Variants in GLG1 observed in about 807,000 individuals in gnomAD.
The protein encoded by GLG1 is golgi glycoprotein 1, also known as Golgi apparatus protein 1.
Under a neutral mutation model 160.5 loss-of-function variants are expected in GLG1, and 38 were observed. The ratio of observed to expected loss-of-function variants is 0.24; its 90% confidence interval spans 0.18 to 0.31. The LOEUF is 0.31. Ranked by LOEUF, GLG1 falls within the 10% of genes least tolerant of loss-of-function variation. The pLI is 1.00. For synonymous variants in GLG1, 644 were observed against 543.4 expected (o/e 1.19, Z -2.57); for missense variants, 1,373 against 1,505.2 (o/e 0.91, Z 1.45).
chr16:74,602,673 C>G (rs926727072), intron 1 of GLG1, among the ~76,000 whole-genome samples: 3 of 152,002 alleles, frequency 2.0e-5, no homozygotes, highest in Non-Finnish European at 2.9e-5. Context: ...GTCCCAGCTA[C>G]TTGGGAGGCT....
chr16:74,582,649 T>C (rs570970614), intron 1 of GLG1, among the ~76,000 whole-genome samples: 23 of 151,460 alleles, frequency 1.5e-4, no homozygotes, highest in African/African-American at 5.3e-4. Context: ...TGAAACCCTG[T>C]CTCTACTAAA....
At chr16:74,515,967 C>T (rs940532113) in intron 2 of GLG1, among the ~76,000 whole-genome samples, 1 of 151,226 alleles carries the variant, frequency 6.6e-6, no homozygotes, top group African/African-American at 2.5e-5. Flanking sequence ...AAAGCCATTA[C>T]ATAACGGTAA....
At chr16:74,532,874 T>G (rs980624726) in intron 1 of GLG1, among the ~76,000 whole-genome samples, 1 of 152,160 alleles carries the variant, frequency 6.6e-6, no homozygotes, top group Non-Finnish European at 1.5e-5. Flanking sequence ...TGGGGGAAGC[T>G]ATGTGATGGG....
chr16:74,514,797 C>A (rs919997440), intron 2 of GLG1, among the ~76,000 whole-genome samples: 3 of 152,098 alleles, frequency 2.0e-5, no homozygotes, highest in Non-Finnish European at 2.9e-5. Context: ...ACAATATTAA[C>A]CTTAAATGTA....
intron 24 of GLG1, 98 bp downstream of exon 24, chr16:74,457,776 C>T (rs1470860444): frequency 1.2e-5 from 14 of 1,135,736 alleles, no homozygotes; most frequent in Non-Finnish European, 1.7e-5. Flanking sequence ...CAACTACAGA[C>T]CATACAGACC....
intron 4 of GLG1, among the ~76,000 whole-genome samples, chr16:74,500,061 G>C (rs1026206673): frequency 2.0e-5 from 3 of 152,108 alleles, no homozygotes; most frequent in African/African-American, 7.2e-5. Context: ...TCCATTCATT[G>C]TAACTTTCAG....
chr16:74,516,859 A>T (rs1360162912), intron 2 of GLG1, among the ~76,000 whole-genome samples: 2 of 152,096 alleles, frequency 1.3e-5, no homozygotes, highest in African/African-American at 4.8e-5. Context: ...AATAAAAAAT[A>T]ATAAAGGGGC....
chr16:74,576,239 T>C (rs1037767720), intron 1 of GLG1, among the ~76,000 whole-genome samples: 6 of 151,958 alleles, frequency 3.9e-5, no homozygotes, highest in Non-Finnish European at 8.8e-5. Context: ...TGTGGTGTCA[T>C]ACATACACAT....
chr16:74,448,180 A>C lies in GLG1; in HGVS notation c.*4987T>G, dbSNP rs1348846662. 1 of 152,220 alleles carries C rather than the reference A, an allele frequency of 6.6e-6. No individual in the cohort carries two copies. The highest frequency in any genetic ancestry group is 1.5e-5 in the Non-Finnish European group (1 of 68,082). The allele number at this position is 152,220 out of a possible 1,614,324, so 9.4% of individuals were successfully genotyped here. A position where few individuals can be genotyped will look rare whatever the true frequency, so the allele number is the denominator to read the frequency against. On this transcript the variant is annotated 3_prime_UTR_variant, in exon 26 of 26. Transcript: ENST00000422840. Reference sequence around the variant, plus strand: ...GGTCTGGTTTGCTAATGACTTATCTATTATCTGAAGTCTGTGGAGGAAGGA... The same window carrying C: ...GGTCTGGTTTGCTAATGACTTATCTCTTATCTGAAGTCTGTGGAGGAAGGA...
chr16:74,581,278 C>T (rs544544398), intron 1 of GLG1, among the ~76,000 whole-genome samples: 1 of 152,172 alleles, frequency 6.6e-6, no homozygotes, highest in African/African-American at 2.4e-5. Flanking sequence ...AAACAAAATG[C>T]AGTGTATACG....
intron 16 of GLG1, 138 bp from the exon 17 acceptor site, chr16:74,469,201 T>C: frequency 1.6e-6 from 1 of 625,314 alleles, no homozygotes. Context: ...GCTCACTGTA[T>C]TTTTTTTCAG....
At chr16:74,599,436 G>A (rs1279109185) in intron 1 of GLG1, among the ~76,000 whole-genome samples, 1 of 152,212 alleles carries the variant, frequency 6.6e-6, no homozygotes, top group Non-Finnish European at 1.5e-5. Context: ...GATAATCCAA[G>A]GCCAGGAGCG....
intron 1 of GLG1, among the ~76,000 whole-genome samples, chr16:74,589,265 A>T (rs1412483114): frequency 6.6e-6 from 1 of 152,116 alleles, no homozygotes; most frequent in Non-Finnish European, 1.5e-5. Context: ...TCAAAAAAAA[A>T]AAAAGAACAA....
intron 1 of GLG1, among the ~76,000 whole-genome samples, chr16:74,537,364 A>T (rs2017714157): frequency 6.6e-6 from 1 of 152,150 alleles, no homozygotes; most frequent in Non-Finnish European, 1.5e-5. Flanking sequence ...TTAAAAAACA[A>T]AACAAAAAAC....
chr16:74,559,485 G>C (rs189276798), intron 1 of GLG1, among the ~76,000 whole-genome samples: 1 of 151,786 alleles, frequency 6.6e-6, no homozygotes, highest in Admixed American at 6.6e-5. Context: ...GGGGCGATGG[G>C]GGGGCAGGGG....
intron 1 of GLG1, among the ~76,000 whole-genome samples, chr16:74,595,102 G>A (rs973279991): frequency 1.3e-5 from 2 of 151,700 alleles, no homozygotes; most frequent in African/African-American, 2.4e-5. Context: ...GCAGGAGAAC[G>A]GCATGAACCC....
intron 1 of GLG1, among the ~76,000 whole-genome samples, chr16:74,535,161 T>C (rs2017653297): frequency 6.6e-6 from 1 of 152,156 alleles, no homozygotes. Context: ...CCATGAAAGT[T>C]TGAGGGTGTC....
chr16:74,461,794 A>G, intron 22 of GLG1: 1 of 227,764 alleles, frequency 4.4e-6, no homozygotes, highest in Non-Finnish European at 8.5e-6. Flanking sequence ...TCTTTCTGGC[A>G]GGTCTTGGGT....
intron 2 of GLG1, among the ~76,000 whole-genome samples, chr16:74,529,232 G>C (rs988563013): frequency 6.6e-6 from 1 of 151,994 alleles, no homozygotes; most frequent in South Asian, 2.1e-4. Context: ...ACCTCCCAAG[G>C]TGCTGGGATT....
Sources: allele counts gnomAD v4.1 joint callset (sites outside exome capture counted in the v4.1 genomes callset), GRCh38; gene constraint gnomAD v4.1.1; transcripts MANE v1.5; gene names NCBI Gene and HGNC (gene_info 2026-07-23, HGNC 2026-07-21).